PDILT: variants seen among roughly 807,000 people sequenced by gnomAD.
PDILT encodes the protein protein disulfide isomerase like, testis expressed, also known as protein disulfide-isomerase-like protein of the testis.
PDILT carries 43 observed loss-of-function variants against 53.7 expected under a neutral mutation model. That is an observed-to-expected ratio of 0.80 (90% CI 0.63 to 1.03). The LOEUF is 1.03. PDILT is among the 50% of genes least tolerant of loss of function. The pLI, the probability that PDILT is intolerant of heterozygous loss-of-function variation, is 0.00. For synonymous variants in PDILT, 282 were observed against 274.2 expected, an observed-to-expected ratio of 1.03 and a Z score of -0.28; for missense variants, 727 against 712.3, an observed-to-expected ratio of 1.02 and a Z score of -0.24.
At chr16:20,362,609 C>A in intron 9 of PDILT, 27 bp from the exon 10 acceptor site, 1 of 1,610,834 alleles carries the variant, frequency 6.2e-7, no homozygotes, top group Non-Finnish European at 8.5e-7. Flanking sequence ...ATGGCTCAGG[C>A]TCACATTGAT....
At chr16:20,385,597 G>T (rs1966523365) in intron 2 of PDILT, among the ~76,000 whole-genome samples, 1 of 152,112 alleles carries the variant, frequency 6.6e-6, no homozygotes, top group African/African-American at 2.4e-5. Context: ...GGGGAGGCTG[G>T]GTGCAGGGTG....
chr16:20,396,616 G>A (rs534055008), intron 2 of PDILT, among the ~76,000 whole-genome samples: 3 of 152,294 alleles, frequency 2.0e-5, no homozygotes, highest in South Asian at 2.1e-4. Flanking sequence ...GCCAGAGAAC[G>A]TCACTCAGCT....
Position 20,359,364 on chromosome 16 carries a change from T to C in PDILT, c.1710A>G (p.Gly570=). The C allele has an allele frequency of 6.2e-7, 1 of 1,614,120 alleles. No individual in the cohort carries two copies. Among genetic ancestry groups the C allele is most frequent in the Middle Eastern group, 1.6e-4 (1 of 6,062 alleles). The part of the protein sequence containing the change: ...EVVVVVAKPK[G]PPVQKKKPKV... The stretch of plus-strand genomic sequence containing the variant: ...TTGGTTTCTTCTTTTGCACTGGAGG[T>C]CCCTTTGGCTTAGCCACCACCACCA... Residue 570 remains glycine (G), a synonymous_variant, in exon 12 of 12, where the codon GGA becomes GGG. Transcript: ENST00000302451.
intron 7 of PDILT, among the ~76,000 whole-genome samples, chr16:20,371,338 A>G (rs1420211523): frequency 6.6e-6 from 1 of 152,224 alleles, no homozygotes; most frequent in East Asian, 1.9e-4. Context: ...AAGTGGAAGC[A>G]GGGAGATGAG....
In PDILT at chr16:20,360,599, T is replaced by C. The variant is rs1016890067; in HGVS notation, c.1475A>G (p.His492Arg). 5 of 1,614,130 alleles carry C rather than the reference T, an allele frequency of 3.1e-6. No homozygotes were observed. In the African/African-American group the frequency reaches 6.7e-5, roughly 22 times the overall value. The change falls in exon 11 of 12, where the codon CAC becomes CGC. Residue 492 changes from histidine to arginine, a missense_variant. Coordinates refer to ENST00000302451, the MANE Select transcript of PDILT (RefSeq NM_174924.2). The part of the protein sequence containing the change: ...LKGFSDFLES[H>R]IKTKIEDEDE... ...CTCATCCTCAATCTTAGTTTTGATG[T>C]GGCTTTCCAGGAAGTCAGAGAAGCC...
chr16:20,384,924 G>T, intron 2 of PDILT, 73 bp from the exon 3 acceptor site: 1 of 1,457,980 alleles, frequency 6.9e-7, no homozygotes. Context: ...TTATTTGTTG[G>T]GCCTGCTTAG....
chr16:20,396,871 G>A (rs1173304174), intron 2 of PDILT, among the ~76,000 whole-genome samples: 1 of 148,912 alleles, frequency 6.7e-6, no homozygotes, highest in African/African-American at 2.5e-5. Flanking sequence ...GGGTGAATAA[G>A]AACCCAATGG....
At chr16:20,403,887 A>G (rs1255282204) in intron 1 of PDILT, among the ~76,000 whole-genome samples, 1 of 151,262 alleles carries the variant, frequency 6.6e-6, no homozygotes, top group East Asian at 1.9e-4. Context: ...CTTCCCTCAC[A>G]TCGTCAGCCT....
In PDILT at chr16:20,359,208, C is replaced by A. The variant is rs552930013; in HGVS notation, c.*111G>T. ...GAGGCTTTATTATCCACCCCTACCC[C>A]CGCCCCACCTACCCTACCACAATGA... On this transcript the variant is annotated 3_prime_UTR_variant, in exon 12 of 12. Transcript: ENST00000302451. 147 of 1,506,178 alleles carry A rather than the reference C, an allele frequency of 9.8e-5. 2 individuals carry two copies. The South Asian group carries it at 1.9e-3, about 19-fold the overall frequency. The allele number at this position is 1,506,178 out of a possible 1,614,324, so 93.3% of individuals were successfully genotyped here. A position where few individuals can be genotyped will look rare whatever the true frequency, so the allele number is the denominator to read the frequency against.
intron 2 of PDILT, chr16:20,391,162 C>A (rs1966602173): frequency 6.3e-6 from 1 of 158,064 alleles, no homozygotes. Flanking sequence ...TCATCATCAT[C>A]ACCATAGTTA....
chr16:20,376,464 C>T (rs1392012171), intron 3 of PDILT, among the ~76,000 whole-genome samples: 2 of 152,164 alleles, frequency 1.3e-5, no homozygotes, highest in Non-Finnish European at 2.9e-5. Flanking sequence ...CACAATAATC[C>T]TATGAAATAG....
In PDILT at chr16:20,359,394, C is replaced by A. The variant is rs778257621; in HGVS notation, c.1680G>T (p.Glu560Asp). Residue 560 changes from glutamate (E) to aspartate (D), a missense_variant, in exon 12 of 12, where the codon GAG (glutamate) becomes GAT (aspartate). Glu to Asp is a conservative substitution (Grantham distance 45, BLOSUM62 2). Coordinates refer to ENST00000302451, the MANE Select transcript of PDILT (RefSeq NM_174924.2). ...EPAGKKKTSE[E>D]VVVVVAKPKG... ...TTGGCTTAGCCACCACCACCACCAC[C>A]TCCTCAGATGTTTTCTTCTTCCCAG... is the stretch of plus-strand genomic sequence containing the variant. The A allele has an allele frequency of 3.7e-6, 6 of 1,614,174 alleles. No individual in the cohort carries two copies. The South Asian group carries it at 6.6e-5, about 18-fold the overall frequency.
At chr16:20,389,672 G>A (rs1398036168) in intron 2 of PDILT, among the ~76,000 whole-genome samples, 1 of 152,160 alleles carries the variant, frequency 6.6e-6, no homozygotes, top group Non-Finnish European at 1.5e-5. Flanking sequence ...TCTGCTTGGT[G>A]TGTAGATGTG....
At chr16:20,403,797 C>T (rs1416671726) in intron 1 of PDILT, among the ~76,000 whole-genome samples, 2 of 152,236 alleles carry the variant, frequency 1.3e-5, no homozygotes, top group East Asian at 1.9e-4. Flanking sequence ...TCTCTCCTCC[C>T]GCACTCTGGG....
intron 7 of PDILT, among the ~76,000 whole-genome samples, 198 bp from the exon 8 acceptor site, chr16:20,369,887 T>C (rs563927473): frequency 1.6e-4 from 24 of 152,270 alleles, no homozygotes; most frequent in African/African-American, 5.8e-4. Flanking sequence ...CTCCTTGTGG[T>C]GTGCTCCATC....
intron 2 of PDILT, among the ~76,000 whole-genome samples, chr16:20,395,603 T>A (rs1391615222): frequency 6.6e-6 from 1 of 152,188 alleles, no homozygotes; most frequent in Non-Finnish European, 1.5e-5. Context: ...AGCCACCTGC[T>A]ATAGTTTGGT....
At chr16:20,394,275 T>A (rs1216462752) in intron 2 of PDILT, among the ~76,000 whole-genome samples, 1 of 152,226 alleles carries the variant, frequency 6.6e-6, no homozygotes, top group Non-Finnish European at 1.5e-5. Context: ...GAGAACTCTT[T>A]CTGGTGGTTC....
chr16:20,361,345 C>A (rs1966098183), intron 10 of PDILT, among the ~76,000 whole-genome samples: 1 of 152,048 alleles, frequency 6.6e-6, no homozygotes, highest in South Asian at 2.1e-4. Context: ...ACCACCACGA[C>A]TGGCTAATTT....
intron 4 of PDILT, 96 bp from the exon 5 acceptor site, chr16:20,375,055 C>G: frequency 7.2e-7 from 1 of 1,380,600 alleles, no homozygotes; most frequent in Non-Finnish European, 9.8e-7. Flanking sequence ...TTCGTCTCTT[C>G]ACTTTTTCAA....
Sources: gnomAD v4.1 joint callset for allele counts (sites outside exome capture counted in the v4.1 genomes callset) on GRCh38, gnomAD v4.1.1 for gene constraint, MANE v1.5 for transcripts, NCBI Gene and HGNC (gene_info 2026-07-23, HGNC 2026-07-21) for gene names.